NAALAD2: variants seen among roughly 807,000 people sequenced by gnomAD.
The protein encoded by NAALAD2 is N-acetylated alpha-linked acidic dipeptidase 2.
Under a neutral mutation model 95.6 loss-of-function variants are expected in NAALAD2, and 89 were observed. That is an observed-to-expected ratio of 0.93 (90% CI 0.78 to 1.11). The LOEUF is 1.11. NAALAD2 is among the 50% of genes least tolerant of loss of function. The pLI is 0.00. For missense variants in NAALAD2, 894 were observed against 872.4 expected (o/e 1.02, Z -0.31); for synonymous variants, 264 against 294.4 (o/e 0.90, Z 1.06).
In NAALAD2 at chr11:90,192,671, G is replaced by A. The variant is rs1857366681; in HGVS notation, c.*924G>A. On this transcript the variant is annotated 3_prime_UTR_variant, in exon 19 of 19. Transcript: ENST00000534061. ...TGTGAAATCACCATGAAGTGTGAATGGTCAGGAAAAAGCCAGTAATATTCA... is the reference window on the plus strand; with the variant it reads ...TGTGAAATCACCATGAAGTGTGAATAGTCAGGAAAAAGCCAGTAATATTCA... 6.6e-6 allele frequency: 1 copy of A among 151,948 alleles called. No individual in the cohort carries two copies. The highest frequency in any genetic ancestry group is 1.5e-5 in the Non-Finnish European group (1 of 67,886). The allele number at this position is 151,948 out of a possible 1,614,324, so 9.4% of individuals were successfully genotyped here.
intron 11 of NAALAD2, 82 bp from the exon 12 acceptor site, chr11:90,168,847 C>A: frequency 1.7e-6 from 2 of 1,151,666 alleles, no homozygotes; most frequent in South Asian, 1.4e-5. Context: ...AACCGCTTTT[C>A]CACGAAATTA....
intron 18 of NAALAD2, 86 bp downstream of exon 18, chr11:90,183,094 G>A (rs1591027417): frequency 1.1e-6 from 1 of 888,206 alleles, no homozygotes; most frequent in Non-Finnish European, 1.9e-6. Context: ...CATTAGATGG[G>A]TGAAAGGCAA....
At chr11:90,184,952 G>A (rs1857090128) in intron 18 of NAALAD2, among the ~76,000 whole-genome samples, 2 of 152,008 alleles carry the variant, frequency 1.3e-5, no homozygotes, top group African/African-American at 2.4e-5. Context: ...TATTTGCATA[G>A]CATTTACATT....
chr11:90,155,938 CTATT>C (rs1590982244), intron 6 of NAALAD2, among the ~76,000 whole-genome samples: 1 of 143,032 alleles, frequency 7.0e-6, no homozygotes, highest in Non-Finnish European at 1.5e-5. Flanking sequence ...TATATGTGAT[CTATT>C]TATTCTCAAG....
rs1050868605 is a variant in NAALAD2 at position 90,158,781 on chromosome 11, A to G, written c.891-458A>G. The stretch of plus-strand genomic sequence containing the variant: ...TATTCTATAACTGATATTTCTTTAC[A>G]TATCCCCCAACTCCCATTTTTAAAT... On this transcript the variant is annotated intron_variant, in intron 7 of 18. Transcript: ENST00000534061. 11 of 179,484 alleles carry G rather than the reference A, an allele frequency of 6.1e-5. 1 individual carries two copies. In the South Asian group the frequency reaches 1.5e-3, roughly 24 times the overall value. The allele number at this position is 179,484 out of a possible 1,614,324, so 11.1% of individuals were successfully genotyped here. A position where few individuals can be genotyped will look rare whatever the true frequency, so the allele number is the denominator to read the frequency against.
chr11:90,190,843 A>C (rs1243189738), intron 18 of NAALAD2, among the ~76,000 whole-genome samples: 2 of 152,156 alleles, frequency 1.3e-5, no homozygotes, highest in African/African-American at 4.8e-5. Flanking sequence ...CTCTAGAATA[A>C]GCTTTGGGGT....
At chr11:90,163,660 A>G (rs1438308291) in intron 11 of NAALAD2, 43 bp downstream of exon 11, 1 of 1,558,544 alleles carries the variant, frequency 6.4e-7, no homozygotes, top group African/African-American at 1.4e-5. Flanking sequence ...TTTGGTCAAC[A>G]GGGAACAAAT....
intron 17 of NAALAD2, among the ~76,000 whole-genome samples, chr11:90,182,541 C>G (rs906278469): frequency 1.1e-4 from 16 of 152,118 alleles, no homozygotes; most frequent in Admixed American, 6.6e-5. Context: ...AGCCTGTTAT[C>G]TGCTCCTTTT....
chr11:90,140,080 A>G (rs2134828109), intron 2 of NAALAD2, among the ~76,000 whole-genome samples: 1 of 152,236 alleles, frequency 6.6e-6, no homozygotes, highest in African/African-American at 2.4e-5. Context: ...ATCATTTTTT[A>G]AACTGCCATA....
At chr11:90,149,739 G>A (rs889917458) in intron 4 of NAALAD2, among the ~76,000 whole-genome samples, 16 of 152,104 alleles carry the variant, frequency 1.1e-4, no homozygotes, top group African/African-American at 3.9e-4. Context: ...CTTCCGCCCA[G>A]CAGTAGGTGT....
At chr11:90,173,445 A>G (rs943665528) in intron 13 of NAALAD2, among the ~76,000 whole-genome samples, 2 of 152,196 alleles carry the variant, frequency 1.3e-5, no homozygotes, top group African/African-American at 4.8e-5. Context: ...TACAAAAGCA[A>G]ATGTTTTATC....
At chr11:90,174,025 C>A in intron 14 of NAALAD2, 110 bp downstream of exon 14, 1 of 808,878 alleles carries the variant, frequency 1.2e-6, no homozygotes, top group Non-Finnish European at 2.0e-6. Flanking sequence ...TAATTTGAGC[C>A]AAGAAAAGAT....
In NAALAD2 at chr11:90,153,086, A is replaced by T. The variant is rs1052133750; in HGVS notation, c.796+602A>T. Among the ~76,000 whole-genome samples the T allele has an allele frequency of 2.0e-5, 3 of 152,096 alleles. No homozygotes were observed. In the South Asian group the frequency reaches 6.2e-4, roughly 32 times the overall value. On this transcript the variant is annotated intron_variant, in intron 6 of 18. Transcript: ENST00000534061. The stretch of plus-strand genomic sequence containing the variant: ...CTTGGTTTCTGCTGTCAGCATGATT[A>T]TTTTGAGATCTGTCCATGTTGGCAT...
In NAALAD2 at chr11:90,152,322, G is replaced by A; in HGVS notation, c.634G>A (p.Ala212Thr). 1 of 1,606,428 alleles carries A rather than the reference G, an allele frequency of 6.2e-7. No homozygotes were observed. Among genetic ancestry groups the A allele is most frequent in the Non-Finnish European group, 8.5e-7 (1 of 1,174,018 alleles). The change falls in exon 6 of 19, where the codon GCC (alanine) becomes ACC (threonine). Residue 212 changes from alanine (A) to threonine (T), a missense_variant. Coordinates refer to ENST00000534061, the MANE Select transcript of NAALAD2 (RefSeq NM_005467.4). ...GGTTAAAAATGCCATGTTAGCAGGA[G>A]CCATAGGAATCATCTTGTACTCAGA... ...NKVKNAMLAG[A>T]IGIILYSDPA...
At chr11:90,186,450 C>A (rs1432708192) in intron 18 of NAALAD2, among the ~76,000 whole-genome samples, 1 of 152,004 alleles carries the variant, frequency 6.6e-6, no homozygotes, top group East Asian at 1.9e-4. Flanking sequence ...TGGGTTGGTT[C>A]CAAGTCTTTG....
chr11:90,169,740 C>A (rs896225073), intron 12 of NAALAD2: 3 of 258,182 alleles, frequency 1.2e-5, no homozygotes, highest in African/African-American at 4.5e-5. Flanking sequence ...TAGAATGAAA[C>A]AAGTAAAAAA....
intron 13 of NAALAD2, among the ~76,000 whole-genome samples, chr11:90,173,083 A>G (rs114127952): frequency 0.016 from 2,471 of 152,256 alleles, 59 homozygotes; most frequent in African/African-American, 0.056. Context: ...ACAGTCCACA[A>G]TGTTTTCACC....
At position 90,135,649 on chromosome 11, in the gene NAALAD2, A is replaced by T. The variant is rs149998034; in HGVS notation, c.173A>T (p.Glu58Val). ...RWKLVSEMKA[E>V]NIKSFLRSFT... is the part of the protein sequence containing the mutation. ...AAACTGGTATCCGAAATGAAAGCTG[A>T]AAACATCAAATCATTTCTTCGGTAA... is the stretch of plus-strand genomic sequence containing the variant. The change falls in exon 2 of 19, where the codon GAA becomes GTA. Residue 58 changes from glutamate (E) to valine (V), a missense_variant. Transcript: ENST00000534061. The T allele has an allele frequency of 6.2e-7, 1 of 1,612,798 alleles. No individual in the cohort carries two copies. Among genetic ancestry groups the T allele is most frequent in the East Asian group, 2.2e-5 (1 of 44,844 alleles).
intron 18 of NAALAD2, among the ~76,000 whole-genome samples, chr11:90,186,730 T>A (rs10830438): frequency 0.63 from 88,877 of 140,462 alleles, 28,793 homozygotes; most frequent in South Asian, 0.73. Flanking sequence ...ACCCTAGAAG[T>A]AAACCTAGGC....
Sources: allele counts gnomAD v4.1 joint callset (sites outside exome capture counted in the v4.1 genomes callset), GRCh38; gene constraint gnomAD v4.1.1; transcripts MANE v1.5; gene names NCBI Gene and HGNC (gene_info 2026-07-23, HGNC 2026-07-21).